ZNF804B: variants seen among roughly 807,000 people sequenced by gnomAD.
ZNF804B encodes the protein zinc finger 804B.
A neutral mutation model predicts 101.4 loss-of-function variants in ZNF804B; 80 were observed. The ratio of observed to expected loss-of-function variants is 0.79; its 90% CI spans 0.66 to 0.95. The LOEUF is 0.95. Ranked by LOEUF, ZNF804B falls within the 40% of genes least tolerant of loss-of-function variation. The pLI is 0.00. For missense variants in ZNF804B, 1,673 were observed against 1,561.9 expected, an observed-to-expected ratio of 1.07 and a Z score of -1.20; for synonymous variants, 622 against 558.8, an observed-to-expected ratio of 1.11 and a Z score of -1.59.
At chr7:89,242,966 C>G (rs1467731189) in intron 2 of ZNF804B, among the ~76,000 whole-genome samples, 1 of 151,724 alleles carries the variant, frequency 6.6e-6, no homozygotes, top group African/African-American at 2.4e-5. Context: ...GAAGAGTTGG[C>G]TATCACAATG....
At chr7:88,854,837 G>A (rs994742638) in intron 1 of ZNF804B, among the ~76,000 whole-genome samples, 15 of 138,510 alleles carry the variant, frequency 1.1e-4, no homozygotes, top group Admixed American at 2.5e-4. Context: ...TCCCACCTAT[G>A]AGTGAGAACA....
intron 1 of ZNF804B, among the ~76,000 whole-genome samples, chr7:89,051,217 T>C (rs1426642313): frequency 6.7e-6 from 1 of 149,806 alleles, no homozygotes; most frequent in Non-Finnish European, 1.5e-5. Flanking sequence ...GTTATTTCAG[T>C]AAAAAAAAAA....
At chr7:89,293,467 A>T (rs1054409090) in intron 2 of ZNF804B, among the ~76,000 whole-genome samples, 3 of 152,164 alleles carry the variant, frequency 2.0e-5, no homozygotes, top group African/African-American at 7.2e-5. Context: ...GAATTACTAG[A>T]TATTTATATC....
chr7:89,130,310 T>C (rs17398373), intron 1 of ZNF804B, among the ~76,000 whole-genome samples: 7,572 of 151,876 alleles, frequency 0.05, 306 homozygotes, highest in Non-Finnish European at 0.076. Context: ...GAAACAGAAG[T>C]TACCCAGGAA....
intron 1 of ZNF804B, among the ~76,000 whole-genome samples, chr7:88,805,951 A>G (rs750850093): frequency 7.0e-6 from 1 of 141,916 alleles, no homozygotes; most frequent in South Asian, 2.3e-4. Context: ...AAATATAGAT[A>G]ATAGCTTTGT....
At chr7:89,309,145 C>T (rs911888066) in intron 2 of ZNF804B, among the ~76,000 whole-genome samples, 2 of 152,084 alleles carry the variant, frequency 1.3e-5, no homozygotes, top group Admixed American at 1.3e-4. Flanking sequence ...CCTTCCCTTC[C>T]TTCCCCACTT....
intron 1 of ZNF804B, among the ~76,000 whole-genome samples, chr7:88,985,226 C>A (rs1793743001): frequency 7.0e-6 from 1 of 143,266 alleles, no homozygotes. Context: ...CATGAGAGAC[C>A]AGTAAACATT....
chr7:88,914,331 G>A lies in ZNF804B; in HGVS notation c.108+154247G>A, dbSNP rs143125386. Reference sequence around the variant, plus strand: ...GTTGCCGATAGGGTCCATGTTTGGCGTGCTCTCTCCTGCTCCTTCATTTGT... The same window carrying A: ...GTTGCCGATAGGGTCCATGTTTGGCATGCTCTCTCCTGCTCCTTCATTTGT... On this transcript the variant is annotated intron_variant, in intron 1 of 3. Transcript: ENST00000333190. 1.6e-3 allele frequency among the ~76,000 whole-genome samples: 243 copies of A among 152,232 alleles called. 1 individual carries two copies. Among genetic ancestry groups the A allele is most frequent in the Admixed American group, 3.3e-3 (50 of 15,274 alleles).
intron 2 of ZNF804B, among the ~76,000 whole-genome samples, chr7:89,269,766 T>C (rs1185563775): frequency 6.6e-6 from 1 of 152,208 alleles, no homozygotes; most frequent in Non-Finnish European, 1.5e-5. Context: ...CTAACTGGTG[T>C]GAGATGGTAT....
chr7:89,124,445 G>A (rs1449366889), intron 1 of ZNF804B, among the ~76,000 whole-genome samples: 1 of 152,136 alleles, frequency 6.6e-6, no homozygotes, highest in Admixed American at 6.6e-5. Flanking sequence ...TGTTTTCCTA[G>A]TGCTCTGCTG....
At chr7:88,929,452 T>A (rs377351972) in intron 1 of ZNF804B, among the ~76,000 whole-genome samples, 7 of 152,128 alleles carry the variant, frequency 4.6e-5, no homozygotes, top group African/African-American at 1.7e-4. Flanking sequence ...GTATTGATTA[T>A]CAGCAAGTCT....
intron 1 of ZNF804B, among the ~76,000 whole-genome samples, chr7:89,199,819 A>G (rs1562913476): frequency 6.7e-6 from 1 of 150,282 alleles, no homozygotes; most frequent in Non-Finnish European, 1.5e-5. Context: ...ACATATACAT[A>G]TAAACATCCA....
intron 1 of ZNF804B, among the ~76,000 whole-genome samples, chr7:88,920,190 A>T (rs1052319969): frequency 4.6e-5 from 7 of 152,122 alleles, no homozygotes; most frequent in Admixed American, 2.6e-4. Flanking sequence ...ACTCTCCTTC[A>T]TAAAGGCCTG....
At chr7:89,217,649 T>C (rs931318255) in intron 1 of ZNF804B, among the ~76,000 whole-genome samples, 1 of 152,182 alleles carries the variant, frequency 6.6e-6, no homozygotes, top group Non-Finnish European at 1.5e-5. Context: ...AACCCATTGG[T>C]AATGTGCAGC....
rs540092021 is a variant in ZNF804B, at chr7:89,185,967, T to G, written c.109-32188T>G. Among the ~76,000 whole-genome samples, 3 of 152,252 alleles carry G rather than the reference T, an allele frequency of 2.0e-5. No homozygotes were observed. In the South Asian group the frequency reaches 6.2e-4, roughly 32 times the overall value. ...TGCATCCAAAACTGTGGAAGTCATG[T>G]AGAATAATACGTTCTTATATTAAAA... On this transcript the variant is annotated intron_variant, in intron 1 of 3. Transcript: ENST00000333190.
At position 89,016,434 on chromosome 7, in the gene ZNF804B, AT is replaced by A. The variant is rs1788559785; in HGVS notation, c.109-201720del. Among the ~76,000 whole-genome samples, 3 of 151,164 alleles carry A rather than the reference AT, an allele frequency of 2.0e-5. No individual in the cohort carries two copies. The South Asian group carries it at 6.3e-4, about 32-fold the overall frequency. The stretch of plus-strand genomic sequence containing the variant: ...GCCCATGCCTATGTCCTGAATGGTA[AT>A]GCCTAGGTTTTCTTCTAGGGTTTTT... On this transcript the variant is annotated intron_variant, in intron 1 of 3. Transcript: ENST00000333190.
chr7:89,235,130 G>C (rs1406666375), intron 2 of ZNF804B, among the ~76,000 whole-genome samples: 1 of 151,754 alleles, frequency 6.6e-6, no homozygotes, highest in Non-Finnish European at 1.5e-5. Flanking sequence ...TTCTCTATGA[G>C]AGCATCAGTT....
At chr7:88,872,182 G>A (rs1281436180) in intron 1 of ZNF804B, among the ~76,000 whole-genome samples, 1 of 152,072 alleles carries the variant, frequency 6.6e-6, no homozygotes, top group African/African-American at 2.4e-5. Context: ...TATAAAATAG[G>A]CAAACACATT....
chr7:88,910,120 A>T (rs371650871), intron 1 of ZNF804B, among the ~76,000 whole-genome samples: 2 of 152,082 alleles, frequency 1.3e-5, no homozygotes. Context: ...GAATAGGTAC[A>T]TACAGGTAAA....
Sources: allele counts gnomAD v4.1 joint callset (sites outside exome capture counted in the v4.1 genomes callset), GRCh38; gene constraint gnomAD v4.1.1; transcripts MANE v1.5; gene names NCBI Gene and HGNC (gene_info 2026-07-23, HGNC 2026-07-21).